Variants in ELP4 observed in about 807,000 individuals in gnomAD.
The protein encoded by ELP4 is elongator acetyltransferase complex subunit 4.
Under a neutral mutation model 48.9 loss-of-function variants are expected in ELP4, and 51 were observed. That is an observed-to-expected ratio of 1.04 (90% CI 0.83 to 1.32). The LOEUF (loss-of-function observed/expected upper bound fraction) is 1.32. Ranked by LOEUF, ELP4 falls within the 40% of genes most tolerant of loss-of-function variation. ELP4 has a pLI of 0.00. For missense variants in ELP4, 519 were observed against 514.6 expected, an observed-to-expected ratio of 1.01 and a Z score of -0.08; for synonymous variants, 210 against 189.2, an observed-to-expected ratio of 1.11 and a Z score of -0.90.
chr11:31,714,906 A>G, intron 9 of ELP4: 1 of 397,654 alleles, frequency 2.5e-6, no homozygotes, highest in East Asian at 3.6e-5. Context: ...AGGTCGACCA[A>G]TCAGCAACCT....
chr11:31,763,544 C>A (rs750076098), intron 9 of ELP4: 1 of 1,608,750 alleles, frequency 6.2e-7, no homozygotes, highest in South Asian at 1.1e-5. Context: ...AGCTTCCTTG[C>A]AAAGGGTATG....
chr11:31,736,685 T>A (rs909982474), intron 9 of ELP4, among the ~76,000 whole-genome samples: 6 of 152,170 alleles, frequency 3.9e-5, no homozygotes, highest in Non-Finnish European at 8.8e-5. Context: ...CAGACACTTC[T>A]CAAAAGAAGA....
intron 9 of ELP4, among the ~76,000 whole-genome samples, chr11:31,761,282 G>A (rs1000050445): frequency 6.6e-6 from 1 of 150,916 alleles, no homozygotes; most frequent in Non-Finnish European, 1.5e-5. Context: ...AGGCTGCAGT[G>A]AGCCATGATT....
chr11:31,647,063 G>C (rs1945214687), intron 7 of ELP4: 2 of 151,740 alleles, frequency 1.3e-5, no homozygotes, highest in Admixed American at 6.6e-5. Context: ...GTTCATCTCA[G>C]ATTGTGTCGA....
chr11:31,636,072 T>C (rs981718023), intron 7 of ELP4, among the ~76,000 whole-genome samples: 1 of 152,012 alleles, frequency 6.6e-6, no homozygotes, highest in East Asian at 1.9e-4. Flanking sequence ...TGAATGACTG[T>C]GGGTAAGTTA....
chr11:31,609,551 T>G (rs1297839047), intron 5 of ELP4, among the ~76,000 whole-genome samples: 2 of 152,096 alleles, frequency 1.3e-5, no homozygotes, highest in Non-Finnish European at 2.9e-5. Flanking sequence ...TTTTCATAAT[T>G]TGCAGCCTTA....
chr11:31,587,093 T>G (rs1229749255), intron 3 of ELP4, among the ~76,000 whole-genome samples: 1 of 152,242 alleles, frequency 6.6e-6, no homozygotes, highest in Non-Finnish European at 1.5e-5. Flanking sequence ...CTCTGTTTTC[T>G]TAGAAGTTCC....
intron 1 of ELP4, among the ~76,000 whole-genome samples, chr11:31,518,805 A>G (rs1956163063): frequency 6.6e-6 from 1 of 150,566 alleles, no homozygotes; most frequent in African/African-American, 2.4e-5. Context: ...CTGAGGCAGG[A>G]GAATCACTTG....
At chr11:31,660,357 A>G (rs757596764) in intron 9 of ELP4, among the ~76,000 whole-genome samples, 2 of 152,178 alleles carry the variant, frequency 1.3e-5, no homozygotes, top group African/African-American at 2.4e-5. Flanking sequence ...ATATTGTAAT[A>G]GGCTACTCAT....
Position 31,790,080 on chromosome 11 carries a change from AC to A in ELP4, c.*6557del. The A allele has an allele frequency of 1.2e-6, 1 of 861,948 alleles. No individual in the cohort carries two copies. The highest frequency in any genetic ancestry group is 2.5e-5 in the East Asian group (1 of 39,838). The allele number at this position is 861,948 out of a possible 1,614,324, so 53.4% of individuals were successfully genotyped here. A position where few individuals can be genotyped will look rare whatever the true frequency, so the allele number is the denominator to read the frequency against. On this transcript the variant is annotated 3_prime_UTR_variant, in exon 10 of 10. Transcript: ENST00000640961. ...TCCCTTTGAGAAACAGACATGGAATACAAATTTATAGGTTTACAAAAAAAAA... is the reference window on the plus strand; with the variant it reads ...TCCCTTTGAGAAACAGACATGGAATAAAATTTATAGGTTTACAAAAAAAAA...
intron 1 of ELP4, among the ~76,000 whole-genome samples, chr11:31,515,033 G>GTGTGTATATA (rs1263600301): frequency 8.2e-5 from 11 of 133,968 alleles, no homozygotes; most frequent in African/African-American, 2.5e-4. Context: ...GTGTGTGTGT[G>GTGTGTATATA]TATATATATA....
At chr11:31,757,741 C>T (rs895860022) in intron 9 of ELP4, among the ~76,000 whole-genome samples, 3 of 152,146 alleles carry the variant, frequency 2.0e-5, no homozygotes, top group Non-Finnish European at 4.4e-5. Context: ...CCTGATAGGA[C>T]TCATTACACA....
At chr11:31,708,975 G>A (rs1361992054) in intron 9 of ELP4, among the ~76,000 whole-genome samples, 1 of 151,992 alleles carries the variant, frequency 6.6e-6, no homozygotes, top group Non-Finnish European at 1.5e-5. Flanking sequence ...ACTTTCATCA[G>A]CATTATCCTT....
intron 7 of ELP4, chr11:31,633,671 A>G (rs190653745): frequency 3.3e-5 from 5 of 152,196 alleles, no homozygotes; most frequent in Non-Finnish European, 4.4e-5. Context: ...TCATAAATTT[A>G]GTACTCGAAT....
intron 9 of ELP4, among the ~76,000 whole-genome samples, chr11:31,758,108 G>A (rs1182288392): frequency 6.6e-6 from 1 of 152,066 alleles, no homozygotes; most frequent in Non-Finnish European, 1.5e-5. Flanking sequence ...TGAATTTTAT[G>A]TTTATTTTCA....
chr11:31,667,944 T>C (rs1432919371), intron 9 of ELP4, among the ~76,000 whole-genome samples: 2 of 152,188 alleles, frequency 1.3e-5, no homozygotes, highest in Non-Finnish European at 2.9e-5. Context: ...TTAAGTCTAC[T>C]TTTTTATTAT....
At chr11:31,778,300 G>A (rs1439287262) in intron 9 of ELP4, among the ~76,000 whole-genome samples, 1 of 152,044 alleles carries the variant, frequency 6.6e-6, no homozygotes, top group Non-Finnish European at 1.5e-5. Flanking sequence ...TAAAACCTCA[G>A]AAGCAGGGAC....
chr11:31,600,909 T>C (rs1262953308), intron 4 of ELP4, among the ~76,000 whole-genome samples: 1 of 152,176 alleles, frequency 6.6e-6, no homozygotes, highest in East Asian at 1.9e-4. Flanking sequence ...GTTTTCCTCC[T>C]GTACCCCCAT....
chr11:31,541,618 GT>G (rs1045662823), intron 3 of ELP4: 6 of 152,112 alleles, frequency 3.9e-5, no homozygotes, highest in African/African-American at 1.4e-4. Flanking sequence ...TGAAAATAAA[GT>G]TTTTTATTTT....
Sources: gnomAD v4.1 joint callset for allele counts (sites outside exome capture counted in the v4.1 genomes callset) on GRCh38, gnomAD v4.1.1 for gene constraint, MANE v1.5 for transcripts, NCBI Gene and HGNC (gene_info 2026-07-23, HGNC 2026-07-21) for gene names.